Variants in SFXN1 observed in about 807,000 individuals in gnomAD.
SFXN1 encodes sideroflexin-1.
SFXN1 carries 32 observed loss-of-function variants against 39.5 expected under a neutral mutation model. That is an observed-to-expected ratio of 0.81 (90% CI 0.61 to 1.09). SFXN1 has a LOEUF of 1.09. Among genes scored for constraint, SFXN1 ranks in the 50% least tolerant of loss-of-function variants. The pLI, the probability that SFXN1 is intolerant of heterozygous loss-of-function variation, is 0.00. For synonymous variants in SFXN1, 136 were observed against 146.5 expected (o/e 0.93, Z 0.52); for missense variants, 402 against 407.1 (o/e 0.99, Z 0.11).
At chr5:175,500,929 G>A (rs1164835247) in intron 2 of SFXN1, among the ~76,000 whole-genome samples, 2 of 152,120 alleles carry the variant, frequency 1.3e-5, no homozygotes. Flanking sequence ...TATAAAAAAT[G>A]GATCTTGATG....
chr5:175,497,620 T>C (rs1759903188), intron 2 of SFXN1, among the ~76,000 whole-genome samples: 1 of 152,042 alleles, frequency 6.6e-6, no homozygotes, highest in Non-Finnish European at 1.5e-5. Context: ...GCAATACAAA[T>C]AGAACTTGAT....
intron 1 of SFXN1, among the ~76,000 whole-genome samples, chr5:175,484,598 A>T (rs267387): frequency 5.9e-5 from 9 of 152,124 alleles, no homozygotes; most frequent in African/African-American, 2.2e-4. Flanking sequence ...CAAGGCCTTA[A>T]GGATACCAGC....
chr5:175,486,710 C>T (rs1458604110), intron 1 of SFXN1, among the ~76,000 whole-genome samples: 1 of 152,088 alleles, frequency 6.6e-6, no homozygotes, highest in Non-Finnish European at 1.5e-5. Flanking sequence ...CCCAGGACGT[C>T]AAGGCTGCAG....
intron 2 of SFXN1, among the ~76,000 whole-genome samples, chr5:175,505,942 G>A (rs112428385): frequency 3.3e-5 from 5 of 152,182 alleles, no homozygotes; most frequent in African/African-American, 4.8e-5. Context: ...TCAGCTTTCC[G>A]AGCAGCTGGG....
intron 2 of SFXN1, among the ~76,000 whole-genome samples, chr5:175,508,181 G>A (rs1011596268): frequency 6.1e-5 from 9 of 147,938 alleles, no homozygotes; most frequent in African/African-American, 2.2e-4. Flanking sequence ...TTTCTTTTCT[G>A]GCTTTTCCAA....
At chr5:175,508,905 G>T in intron 2 of SFXN1, 127 bp from the exon 3 acceptor site, 2 of 795,994 alleles carry the variant, frequency 2.5e-6, no homozygotes, top group South Asian at 2.0e-5. Context: ...AAAGTGCTGG[G>T]ATTACAGACG....
At chr5:175,500,955 A>G (rs1343988543) in intron 2 of SFXN1, among the ~76,000 whole-genome samples, 2 of 152,228 alleles carry the variant, frequency 1.3e-5, no homozygotes, top group Admixed American at 6.5e-5. Flanking sequence ...CTCATCCTGT[A>G]AACAAAATTT....
intron 2 of SFXN1, among the ~76,000 whole-genome samples, chr5:175,497,705 G>A (rs1454288521): frequency 6.6e-6 from 1 of 152,068 alleles, no homozygotes; most frequent in African/African-American, 2.4e-5. Context: ...GAGACGGGTA[G>A]ATCACCTCAG....
chr5:175,524,125 A>AATATATATATATATAT (rs771042074), intron 10 of SFXN1: 1 of 32,498 alleles, frequency 3.1e-5, no homozygotes, highest in Admixed American at 4.3e-4. Flanking sequence ...AAAAAAAAAA[A>AATATATATATATATAT]ATATATATAT....
At chr5:175,500,447 CACACACAA>C (rs1389198831) in intron 2 of SFXN1, among the ~76,000 whole-genome samples, 5 of 128,934 alleles carry the variant, frequency 3.9e-5, no homozygotes, top group African/African-American at 1.7e-4. Context: ...CACACACACA[CACACACAA>C]ATTACAGAGA....
At chr5:175,481,700 C>T (rs745894953) in intron 1 of SFXN1, among the ~76,000 whole-genome samples, 1 of 152,208 alleles carries the variant, frequency 6.6e-6, no homozygotes, top group Non-Finnish European at 1.5e-5. Flanking sequence ...CCTTGATTCT[C>T]CATGTCTTCC....
intron 1 of SFXN1, chr5:175,484,010 C>T (rs1340415677): frequency 1.3e-5 from 2 of 152,246 alleles, no homozygotes; most frequent in South Asian, 2.1e-4. Flanking sequence ...ATCCTTGCCG[C>T]ATCTGCAGTG....
intron 2 of SFXN1, among the ~76,000 whole-genome samples, chr5:175,494,616 G>A (rs988601061): frequency 1.3e-5 from 2 of 152,064 alleles, no homozygotes; most frequent in Admixed American, 1.3e-4. Context: ...GCTGGGCGTG[G>A]TGGTGCATGT....
At chr5:175,480,801 TC>T (rs1255362794) in intron 1 of SFXN1, among the ~76,000 whole-genome samples, 2 of 152,240 alleles carry the variant, frequency 1.3e-5, no homozygotes, top group Non-Finnish European at 2.9e-5. Context: ...GGCATCTGTA[TC>T]CTGTTGTGTA....
intron 4 of SFXN1, among the ~76,000 whole-genome samples, chr5:175,510,869 A>T (rs1277642077): frequency 1.3e-5 from 2 of 152,232 alleles, no homozygotes. Context: ...TACTATTGTT[A>T]TATGGAACAA....
Position 175,513,554 on chromosome 5 carries a change from G to T in SFXN1, c.688G>T (p.Val230Phe). 4 of 1,613,986 alleles carry T rather than the reference G, an allele frequency of 2.5e-6. No individual in the cohort carries two copies. The highest frequency in any genetic ancestry group is 3.4e-6 in the Non-Finnish European group (4 of 1,179,940). The change falls in exon 7 of 11, where the codon GTC (valine) becomes TTC (phenylalanine). Residue 230 changes from valine to phenylalanine, a missense_variant. Physicochemically the swap from Val to Phe is conservative, Grantham distance 50. Transcript: ENST00000321442. ...TGCGAAACAAGCCATCACGCAAGTT[G>T]TCGTGTCCAGGATTCTCATGGCAGC... ...NAAKQAITQV[V>F]VSRILMAAPG...
chr5:175,514,709 C>T (rs1760655386), intron 7 of SFXN1, among the ~76,000 whole-genome samples: 1 of 152,132 alleles, frequency 6.6e-6, no homozygotes, highest in African/African-American at 2.4e-5. Flanking sequence ...TTGAAAAGTG[C>T]ATGAAGGAAA....
chr5:175,491,016 G>A (rs191667024), intron 1 of SFXN1, among the ~76,000 whole-genome samples: 14 of 152,280 alleles, frequency 9.2e-5, no homozygotes, highest in African/African-American at 3.4e-4. Flanking sequence ...TCTATTTTCT[G>A]TAATAAGCTT....
intron 9 of SFXN1, 53 bp downstream of exon 9, chr5:175,522,021 A>C: frequency 1.4e-6 from 2 of 1,441,060 alleles, no homozygotes; most frequent in Non-Finnish European, 9.6e-7. Context: ...ATAAATACAC[A>C]GCGTATGAAA....
Sources: gnomAD v4.1 joint callset for allele counts (sites outside exome capture counted in the v4.1 genomes callset) on GRCh38, gnomAD v4.1.1 for gene constraint, MANE v1.5 for transcripts, NCBI Gene and HGNC (gene_info 2026-07-23, HGNC 2026-07-21) for gene names.